The following PRKCH variants were observed in gnomAD, a reference collection of about 807,000 sequenced individuals.
PRKCH encodes protein kinase C eta.
Under a neutral mutation model 82.5 loss-of-function variants are expected in PRKCH, and 28 were observed. That is an observed-to-expected ratio of 0.34 (90% CI 0.25 to 0.47). The LOEUF is 0.47. Ranked by LOEUF, PRKCH falls within the 20% of genes least tolerant of loss-of-function variation. The probability of loss-of-function intolerance (pLI) is 1.00; values close to 1 mark genes in which losing one functional copy is unlikely to be tolerated. For missense variants in PRKCH, 705 were observed against 881.8 expected, an observed-to-expected ratio of 0.80 and a Z score of 2.54; for synonymous variants, 322 against 327.4, an observed-to-expected ratio of 0.98 and a Z score of 0.18.
intron 9 of PRKCH, among the ~76,000 whole-genome samples, chr14:61,470,798 T>G (rs1286355115): frequency 6.6e-6 from 1 of 152,094 alleles, no homozygotes; most frequent in African/African-American, 2.4e-5. Context: ...TGATGTAATA[T>G]ATAACTCCCA....
intron 1 of PRKCH, among the ~76,000 whole-genome samples, chr14:61,273,742 C>T (rs1043388602): frequency 9.9e-5 from 15 of 152,172 alleles, no homozygotes; most frequent in African/African-American, 3.4e-4. Flanking sequence ...TTAAGATCTT[C>T]AGTGTTTAGA....
intron 10 of PRKCH, 94 bp from the exon 11 acceptor site, chr14:61,528,980 GT>G: frequency 9.1e-7 from 1 of 1,097,190 alleles, no homozygotes; most frequent in East Asian, 2.6e-5. Context: ...GCACGTGTGT[GT>G]GTGTGTGTGT....
chr14:61,457,875 C>T (rs559229914), intron 9 of PRKCH, among the ~76,000 whole-genome samples, 196 bp downstream of exon 9: 1 of 152,322 alleles, frequency 6.6e-6, no homozygotes, highest in East Asian at 1.9e-4. Flanking sequence ...CACCCCTTCC[C>T]CTTGTGCTGT....
chr14:61,222,539 G>A (rs1296978308), intron 1 of PRKCH, among the ~76,000 whole-genome samples: 4 of 152,144 alleles, frequency 2.6e-5, no homozygotes, highest in Admixed American at 1.3e-4. Flanking sequence ...ACTTTCTGGC[G>A]TGTCAAACAA....
chr14:61,539,844 C>G (rs2043159805), intron 12 of PRKCH, among the ~76,000 whole-genome samples: 1 of 152,240 alleles, frequency 6.6e-6, no homozygotes, highest in Non-Finnish European at 1.5e-5. Flanking sequence ...TCCGGCTCTG[C>G]TTCACGTGTT....
intron 11 of PRKCH, 38 bp from the exon 12 acceptor site, chr14:61,530,369 T>C: frequency 6.8e-7 from 1 of 1,465,234 alleles, no homozygotes; most frequent in Non-Finnish European, 9.1e-7. Context: ...GTTAATCTGA[T>C]GTATGAACCA....
At chr14:61,235,536 A>C (rs1412804999) in intron 1 of PRKCH, among the ~76,000 whole-genome samples, 1 of 152,180 alleles carries the variant, frequency 6.6e-6, no homozygotes, top group Admixed American at 6.5e-5. Flanking sequence ...TGCCCAATTA[A>C]TAGTGATTGA....
chr14:61,224,103 A>G (rs970295584), intron 1 of PRKCH, among the ~76,000 whole-genome samples: 1 of 152,086 alleles, frequency 6.6e-6, no homozygotes, highest in African/African-American at 2.4e-5. Flanking sequence ...CCCACCCCTG[A>G]CCCTGGGCAC....
At chr14:61,481,200 G>A (rs886661679) in intron 9 of PRKCH, among the ~76,000 whole-genome samples, 4 of 152,192 alleles carry the variant, frequency 2.6e-5, no homozygotes, top group Admixed American at 6.5e-5. Flanking sequence ...AGGCCCTGGC[G>A]TACCACGTGT....
At chr14:61,410,137 A>G (rs887888283) in intron 2 of PRKCH, among the ~76,000 whole-genome samples, 24 of 152,168 alleles carry the variant, frequency 1.6e-4, no homozygotes, top group Admixed American at 1.4e-3. Flanking sequence ...TTTTAATTTT[A>G]CAGGCTTGGT....
At chr14:61,480,501 A>G (rs564224661) in intron 9 of PRKCH, among the ~76,000 whole-genome samples, 1 of 152,210 alleles carries the variant, frequency 6.6e-6, no homozygotes, top group Non-Finnish European at 1.5e-5. Context: ...TTCACTAAAT[A>G]TGAGAAGTTT....
intron 2 of PRKCH, among the ~76,000 whole-genome samples, chr14:61,428,106 T>TACAC (rs1339489083): frequency 2.4e-5 from 2 of 82,890 alleles, no homozygotes; most frequent in African/African-American, 9.3e-5. Flanking sequence ...CATATATATA[T>TACAC]ACACACATAT....
At chr14:61,210,511 C>T (rs969066745) in intron 1 of PRKCH, among the ~76,000 whole-genome samples, 1 of 152,040 alleles carries the variant, frequency 6.6e-6, no homozygotes, top group African/African-American at 2.4e-5. Context: ...GCTGATCACT[C>T]CCCTGAAGAT....
Position 61,358,312 on chromosome 14 carries a change from G to C in PRKCH, c.364-32913G>C, listed in dbSNP as rs548052433. Among the ~76,000 whole-genome samples the C allele has an allele frequency of 4.9e-4, 75 of 152,264 alleles. No individual in the cohort carries two copies. The South Asian group carries it at 7.5e-3, about 15-fold the overall frequency. ...TGTTAGCTGCTGCTGTTCTCTTTCA[G>C]TTTCCCTCATCCACGGAGACATCCA... On this transcript the variant is annotated intron_variant, in intron 1 of 13. Coordinates refer to ENST00000332981, the MANE Select transcript of PRKCH (RefSeq NM_006255.5).
At chr14:61,499,392 A>G (rs12147132) in intron 10 of PRKCH, among the ~76,000 whole-genome samples, 132,785 of 152,182 alleles carry the variant, frequency 0.87, 57,986 homozygotes, top group Middle Eastern at 0.9. Context: ...AGTGAAACCT[A>G]ACAGGCAAAC....
At chr14:61,453,494 TTCTC>T in intron 7 of PRKCH, 141 bp downstream of exon 7, 3 of 793,344 alleles carry the variant, frequency 3.8e-6, no homozygotes, top group East Asian at 3.3e-5. Flanking sequence ...CTTTCTTTCT[TTCTC>T]TTTCTTTCTT....
At chr14:61,480,894 C>T (rs1221423820) in intron 9 of PRKCH, among the ~76,000 whole-genome samples, 1 of 152,176 alleles carries the variant, frequency 6.6e-6, no homozygotes, top group African/African-American at 2.4e-5. Flanking sequence ...TACACTTCAA[C>T]TGCACAGTCT....
intron 9 of PRKCH, among the ~76,000 whole-genome samples, chr14:61,474,771 G>A (rs1178937967): frequency 6.6e-6 from 1 of 152,178 alleles, no homozygotes; most frequent in Non-Finnish European, 1.5e-5. Flanking sequence ...AACAGATTTT[G>A]TTCCCCAGCC....
At chr14:61,407,226 T>C (rs1364771606) in intron 2 of PRKCH, among the ~76,000 whole-genome samples, 1 of 152,194 alleles carries the variant, frequency 6.6e-6, no homozygotes, top group Non-Finnish European at 1.5e-5. Flanking sequence ...ATAGGGATTT[T>C]AATAATTAAT....
Sources: allele counts gnomAD v4.1 joint callset (sites outside exome capture counted in the v4.1 genomes callset), GRCh38; gene constraint gnomAD v4.1.1; transcripts MANE v1.5; gene names NCBI Gene and HGNC (gene_info 2026-07-23, HGNC 2026-07-21).